GSG1L: variants seen among roughly 807,000 people sequenced by gnomAD.
The protein encoded by GSG1L is germ cell-specific gene 1-like protein.
A neutral mutation model predicts 42.1 loss-of-function variants in GSG1L; 24 were observed. The ratio of observed to expected loss-of-function variants is 0.57; its 90% CI spans 0.41 to 0.80. The LOEUF is 0.80. Among genes scored for constraint, GSG1L ranks in the 30% least tolerant of loss-of-function variants. The pLI, the probability that GSG1L is intolerant of heterozygous loss-of-function variation, is 0.00. For synonymous variants in GSG1L, 215 were observed against 203.5 expected, an observed-to-expected ratio of 1.06 and a Z score of -0.48; for missense variants, 445 against 472.2, an observed-to-expected ratio of 0.94 and a Z score of 0.53.
rs549592447 is a variant in GSG1L, at chr16:27,816,692, GGGA to G, written c.831-9141_831-9139del. On this transcript the variant is annotated intron_variant, in intron 5 of 6. Transcript: ENST00000447459. ...CTATGACATCACTGAATGTGGAGCT[GGGA>G]GGAGATTTGCACAATGGGCCTTCGT... Among the ~76,000 whole-genome samples the G allele has an allele frequency of 1.6e-4, 24 of 152,332 alleles. No individual in the cohort carries two copies. The South Asian group carries it at 4.4e-3, about 28-fold the overall frequency.
chr16:27,853,599 C>G (rs988839973), intron 3 of GSG1L, among the ~76,000 whole-genome samples: 10 of 152,178 alleles, frequency 6.6e-5, no homozygotes, highest in African/African-American at 2.4e-4. Context: ...TTTCTCTGCC[C>G]TTTCTCCAAA....
intron 2 of GSG1L, among the ~76,000 whole-genome samples, chr16:27,924,060 A>G (rs2084562789): frequency 6.6e-6 from 1 of 152,104 alleles, no homozygotes; most frequent in Non-Finnish European, 1.5e-5. Context: ...TTCATATTTA[A>G]GTGCTTGATA....
intron 2 of GSG1L, among the ~76,000 whole-genome samples, chr16:27,891,013 C>T (rs2084118699): frequency 6.6e-6 from 1 of 152,168 alleles, no homozygotes; most frequent in Non-Finnish European, 1.5e-5. Flanking sequence ...TGTCTCTCTG[C>T]TTGGGGGCTT....
At position 27,812,195 on chromosome 16, in the gene GSG1L, G is replaced by T. The variant is rs370295430; in HGVS notation, c.831-4641C>A. Among the ~76,000 whole-genome samples, 11 of 152,270 alleles carry T rather than the reference G, an allele frequency of 7.2e-5. No individual in the cohort carries two copies. In the East Asian group the frequency reaches 1.9e-3, roughly 27 times the overall value. On this transcript the variant is annotated intron_variant, in intron 5 of 6. Coordinates refer to ENST00000447459, the MANE Select transcript of GSG1L (RefSeq NM_001109763.2). ...TAACACCTGCCGAGGAGAGAGCCAG[G>T]CCTTGTGCTGGGCTTGGGGACCACA...
intron 2 of GSG1L, among the ~76,000 whole-genome samples, chr16:27,949,639 A>T (rs1045118684): frequency 2.6e-5 from 4 of 151,922 alleles, no homozygotes; most frequent in Non-Finnish European, 5.9e-5. Context: ...AAAAGGAAAC[A>T]TGACAGGCCG....
At chr16:27,908,902 C>T (rs1289960599) in intron 2 of GSG1L, among the ~76,000 whole-genome samples, 1 of 152,164 alleles carries the variant, frequency 6.6e-6, no homozygotes, top group Non-Finnish European at 1.5e-5. Flanking sequence ...TCAGTAACCT[C>T]CTCTTCCCAC....
intron 3 of GSG1L, among the ~76,000 whole-genome samples, chr16:27,873,661 G>T (rs1312894555): frequency 6.6e-6 from 1 of 152,198 alleles, no homozygotes; most frequent in Non-Finnish European, 1.5e-5. Context: ...TCTTCTACCA[G>T]CCCAGGGGGA....
chr16:27,928,486 C>CAA, intron 2 of GSG1L, among the ~76,000 whole-genome samples: 1 of 151,920 alleles, frequency 6.6e-6, no homozygotes, highest in Middle Eastern at 3.4e-3. Context: ...CTAAGGAAAA[C>CAA]AAAGTTCTTG....
At chr16:28,001,627 A>G (rs1450457099) in intron 1 of GSG1L, among the ~76,000 whole-genome samples, 3 of 152,208 alleles carry the variant, frequency 2.0e-5, no homozygotes, top group Non-Finnish European at 2.9e-5. Context: ...GCCCTCTCCC[A>G]GGTCAAAGCC....
chr16:27,920,579 C>T (rs1023275378), intron 2 of GSG1L, among the ~76,000 whole-genome samples: 1 of 152,192 alleles, frequency 6.6e-6, no homozygotes, highest in Non-Finnish European at 1.5e-5. Flanking sequence ...ACATGTTTTG[C>T]TCAGGAAAAT....
intron 6 of GSG1L, among the ~76,000 whole-genome samples, chr16:27,792,534 A>C (rs1180869895): frequency 6.6e-6 from 1 of 152,174 alleles, no homozygotes; most frequent in Non-Finnish European, 1.5e-5. Context: ...GCTGTGGCCT[A>C]AAATGTCCTT....
At chr16:27,910,289 G>A (rs1244458049) in intron 2 of GSG1L, among the ~76,000 whole-genome samples, 4 of 152,130 alleles carry the variant, frequency 2.6e-5, no homozygotes, top group Middle Eastern at 3.4e-3. Flanking sequence ...GCCCCTCCTG[G>A]TCTGGTCCAT....
At chr16:27,958,866 G>A (rs973493813) in intron 2 of GSG1L, among the ~76,000 whole-genome samples, 25 of 152,026 alleles carry the variant, frequency 1.6e-4, no homozygotes, top group Non-Finnish European at 3.2e-4. Flanking sequence ...GTAGAGACAG[G>A]ATTTCACCAT....
intron 3 of GSG1L, among the ~76,000 whole-genome samples, chr16:27,851,564 A>G (rs1216479889): frequency 6.6e-6 from 1 of 151,900 alleles, no homozygotes; most frequent in Non-Finnish European, 1.5e-5. Flanking sequence ...ACCAGCTGAG[A>G]GTGGGGAAGT....
intron 2 of GSG1L, among the ~76,000 whole-genome samples, chr16:27,898,993 T>C (rs1327738659): frequency 1.3e-5 from 2 of 152,136 alleles, no homozygotes; most frequent in Non-Finnish European, 2.9e-5. Flanking sequence ...GGCTGAGGGC[T>C]ACAGCCCAGG....
chr16:28,003,188 C>T (rs1048377668), intron 1 of GSG1L, among the ~76,000 whole-genome samples: 5 of 152,184 alleles, frequency 3.3e-5, no homozygotes, highest in African/African-American at 4.8e-5. Flanking sequence ...ACCAAGCAGA[C>T]GAGCACTGTG....
At chr16:28,008,627 T>C (rs1186421121) in intron 1 of GSG1L, among the ~76,000 whole-genome samples, 1 of 152,138 alleles carries the variant, frequency 6.6e-6, no homozygotes, top group East Asian at 1.9e-4. Flanking sequence ...TACGTCAGAT[T>C]GCATCACCTC....
intron 3 of GSG1L, chr16:27,850,512 G>A: frequency 2.2e-6 from 1 of 455,698 alleles, no homozygotes; most frequent in Non-Finnish European, 4.4e-6. Flanking sequence ...GAGAGAGAAG[G>A]GTCCCAGGAT....
At position 27,907,817 on chromosome 16, in the gene GSG1L, C is replaced by A. The variant is rs143304853; in HGVS notation, c.398-23179G>T. On this transcript the variant is annotated intron_variant, in intron 2 of 6. Coordinates refer to ENST00000447459, the MANE Select transcript of GSG1L (RefSeq NM_001109763.2). ...CTCTTCTATCCCCTCTGCTGTTGCCCCAGTCTAGGCCTGTGTCCTTTCTTG... is the reference window on the plus strand; with the variant it reads ...CTCTTCTATCCCCTCTGCTGTTGCCACAGTCTAGGCCTGTGTCCTTTCTTG... Among the ~76,000 whole-genome samples, 535 of 152,246 alleles carry A rather than the reference C, an allele frequency of 3.5e-3. 2 individuals are homozygous for A. Among genetic ancestry groups the A allele is most frequent in the African/African-American group, 0.012 (498 of 41,544 alleles).
Sources: allele counts gnomAD v4.1 joint callset (sites outside exome capture counted in the v4.1 genomes callset), GRCh38; gene constraint gnomAD v4.1.1; transcripts MANE v1.5; gene names NCBI Gene and HGNC (gene_info 2026-07-23, HGNC 2026-07-21).